TSHR: variants seen among roughly 807,000 people sequenced by gnomAD.
TSHR encodes the protein thyrotropin receptor.
In TSHR, 51 loss-of-function variants were observed where a neutral mutation model predicts 64.1. The ratio of observed to expected loss-of-function variants is 0.80; its 90% CI spans 0.64 to 1.01. The LOEUF (loss-of-function observed/expected upper bound fraction) is 1.01. TSHR is among the 50% of genes least tolerant of loss of function. TSHR has a pLI of 0.00. For missense variants in TSHR, 877 were observed against 942.8 expected (o/e 0.93, Z 0.91); for synonymous variants, 361 against 361.9 (o/e 1.00, Z 0.03).
intron 1 of TSHR, among the ~76,000 whole-genome samples, chr14:81,023,536 C>G (rs1208979255): frequency 6.6e-6 from 1 of 152,140 alleles, no homozygotes; most frequent in Non-Finnish European, 1.5e-5. Context: ...TAGACCACTT[C>G]AGCACCTCCA....
intron 1 of TSHR, chr14:80,959,496 A>G (rs1594889530): frequency 2.0e-5 from 3 of 152,240 alleles, no homozygotes; most frequent in East Asian, 3.8e-4. Flanking sequence ...ATAAGGAGGT[A>G]GAAAGGATTT....
intron 1 of TSHR, among the ~76,000 whole-genome samples, chr14:80,977,951 T>TA (rs1566745299): frequency 6.8e-4 from 103 of 152,324 alleles, no homozygotes; most frequent in African/African-American, 2.3e-3. Flanking sequence ...AGTGTTCAAT[T>TA]GCTTGTCAGT....
intron 7 of TSHR, among the ~76,000 whole-genome samples, chr14:81,107,945 C>T (rs1890006134): frequency 6.6e-6 from 1 of 152,064 alleles, no homozygotes; most frequent in Non-Finnish European, 1.5e-5. Flanking sequence ...CATCTCTCAC[C>T]ACCCTCACCA....
chr14:80,961,559 T>G (rs1256098258), intron 1 of TSHR, among the ~76,000 whole-genome samples: 1 of 152,194 alleles, frequency 6.6e-6, no homozygotes, highest in Non-Finnish European at 1.5e-5. Context: ...TCACTTGGGA[T>G]GAACATATTA....
intron 6 of TSHR, chr14:81,094,273 A>AC (rs1467616199): frequency 1.3e-5 from 2 of 152,216 alleles, no homozygotes; most frequent in Non-Finnish European, 2.9e-5. Flanking sequence ...GTCTTGCTTC[A>AC]CCATGTTCCC....
chr14:81,141,572 T>C (rs1891688674), intron 9 of TSHR, among the ~76,000 whole-genome samples: 1 of 152,152 alleles, frequency 6.6e-6, no homozygotes, highest in African/African-American at 2.4e-5. Context: ...AGACAAGAAT[T>C]CCCTCTTGTA....
intron 7 of TSHR, 112 bp downstream of exon 7, chr14:81,096,819 G>T: frequency 8.2e-7 from 1 of 1,220,160 alleles, no homozygotes; most frequent in Non-Finnish European, 1.2e-6. Flanking sequence ...CCACGCCAGA[G>T]TTAGTGTGAC....
chr14:81,027,527 C>T (rs1884131875), intron 1 of TSHR, among the ~76,000 whole-genome samples: 1 of 152,146 alleles, frequency 6.6e-6, no homozygotes, highest in Non-Finnish European at 1.5e-5. Context: ...TCAAATTTCT[C>T]TCCATTCAGT....
intron 1 of TSHR, among the ~76,000 whole-genome samples, chr14:81,049,064 G>T (rs867829777): frequency 6.6e-6 from 1 of 152,086 alleles, no homozygotes; most frequent in Non-Finnish European, 1.5e-5. Context: ...TCTTAAAATT[G>T]TAGTTTCCAA....
chr14:81,113,995 A>G (rs1890351126), intron 8 of TSHR, among the ~76,000 whole-genome samples: 1 of 152,196 alleles, frequency 6.6e-6, no homozygotes, highest in African/African-American at 2.4e-5. Context: ...AAACAGGATT[A>G]TATGAAAATT....
chr14:81,066,618 T>C (rs868266444), intron 2 of TSHR, among the ~76,000 whole-genome samples: 3 of 152,218 alleles, frequency 2.0e-5, no homozygotes, highest in Non-Finnish European at 4.4e-5. Context: ...GAGGATACTT[T>C]ACTGGCAGAT....
At chr14:81,086,614 G>A (rs927767307) in intron 3 of TSHR, among the ~76,000 whole-genome samples, 15 of 152,208 alleles carry the variant, frequency 9.9e-5, no homozygotes, top group African/African-American at 3.6e-4. Flanking sequence ...AAGAGGTGTT[G>A]TTAATTGTTC....
chr14:81,016,271 C>A (rs1299532498), intron 1 of TSHR, among the ~76,000 whole-genome samples: 2 of 152,162 alleles, frequency 1.3e-5, no homozygotes, highest in African/African-American at 2.4e-5. Flanking sequence ...TTTCTCCACA[C>A]CTTCACCAAC....
chr14:81,024,729 T>C (rs1883959173), intron 1 of TSHR, among the ~76,000 whole-genome samples: 1 of 152,322 alleles, frequency 6.6e-6, no homozygotes. Context: ...TATCTTGAAA[T>C]GGCAGGCAAT....
intron 3 of TSHR, chr14:81,087,719 G>C: frequency 1.8e-6 from 1 of 568,194 alleles, no homozygotes; most frequent in East Asian, 3.0e-5. Flanking sequence ...AATTAAAGTG[G>C]ACAGAAACCA....
At chr14:81,028,645 A>G (rs1566770551) in intron 1 of TSHR, among the ~76,000 whole-genome samples, 1 of 152,142 alleles carries the variant, frequency 6.6e-6, no homozygotes. Context: ...CCATGAGCAA[A>G]TGGAAATCCT....
intron 1 of TSHR, among the ~76,000 whole-genome samples, chr14:81,040,790 T>C (rs764128304): frequency 6.6e-6 from 1 of 152,102 alleles, no homozygotes; most frequent in African/African-American, 2.4e-5. Context: ...ATATCCAGCA[T>C]CTATAAGGAA....
intron 1 of TSHR, among the ~76,000 whole-genome samples, chr14:80,968,915 C>G (rs1053008948): frequency 1.3e-4 from 20 of 152,120 alleles, no homozygotes; most frequent in Non-Finnish European, 1.2e-4. Flanking sequence ...TATCAACCTC[C>G]CTGTATTGGA....
At position 81,050,643 on chromosome 14, in the gene TSHR, C is replaced by A. The variant is rs182202387; in HGVS notation, c.171-11505C>A. On this transcript the variant is annotated intron_variant, in intron 1 of 9. Transcript: ENST00000298171. The stretch of plus-strand genomic sequence containing the variant: ...AGCAACTCCATGTGGTAGGTACAAT[C>A]CTATAAAGATAATAATAGTAAAGTA... 2.6e-5 allele frequency: 4 copies of A among 152,178 alleles called. 1 individual carries two copies. The East Asian group carries it at 7.7e-4, about 29-fold the overall frequency. 9.4% of individuals were successfully genotyped at this position (152,178 alleles called of 1,614,324 possible). A position where few individuals can be genotyped will look rare whatever the true frequency, so the allele number is the denominator to read the frequency against.
Sources: gnomAD v4.1 joint callset for allele counts (sites outside exome capture counted in the v4.1 genomes callset) on GRCh38, gnomAD v4.1.1 for gene constraint, MANE v1.5 for transcripts, NCBI Gene and HGNC (gene_info 2026-07-23, HGNC 2026-07-21) for gene names.